The following CPEB1 variants were observed in gnomAD, a reference collection of about 807,000 sequenced individuals.
CPEB1 encodes cytoplasmic polyadenylation element binding protein 1.
Under a neutral mutation model 65.8 loss-of-function variants are expected in CPEB1, and 7 were observed. The ratio of observed to expected loss-of-function variants is 0.11; its 90% CI spans 0.06 to 0.20. The LOEUF is 0.20. CPEB1 is among the 10% of genes least tolerant of loss of function. CPEB1 has a pLI of 1.00. For synonymous variants in CPEB1, 262 were observed against 260.0 expected (o/e 1.01, Z -0.08); for missense variants, 551 against 712.2 (o/e 0.77, Z 2.58).
intron 3 of CPEB1, among the ~76,000 whole-genome samples, chr15:82,617,407 AC>A (rs1389492799): frequency 6.6e-6 from 1 of 152,162 alleles, no homozygotes; most frequent in African/African-American, 2.4e-5. Flanking sequence ...CTTGAGTGTG[AC>A]CAACACTACT....
intron 3 of CPEB1, among the ~76,000 whole-genome samples, chr15:82,580,311 C>G (rs950780613): frequency 1.5e-5 from 2 of 137,828 alleles, no homozygotes; most frequent in African/African-American, 5.4e-5. Flanking sequence ...CAGAGCAAGA[C>G]TCTGTCTTAA....
At position 82,627,321 on chromosome 15, in the gene CPEB1, G is replaced by C; in HGVS notation, c.143C>G (p.Ala48Gly). Residue 48 changes from alanine to glycine, a missense_variant, in exon 3 of 13, where the codon GCA becomes GGA. Coordinates refer to ENST00000684509, the MANE Select transcript of CPEB1 (RefSeq NM_001365242.1). ...RIKDCWDNQEAPALSTCSNAN... is the reference protein window; with the variant it reads ...RIKDCWDNQEGPALSTCSNAN... ...ATTACTACACGTGGAGAGAGCAGGT[G>C]CTTCCTGGTTGTCCCAGCAATCTTT... 1 of 1,613,426 alleles carries C rather than the reference G, an allele frequency of 6.2e-7. No individual in the cohort carries two copies. The highest frequency in any genetic ancestry group is 1.3e-5 in the African/African-American group (1 of 75,010).
At chr15:82,554,229 C>T (rs1330643124) in intron 6 of CPEB1, among the ~76,000 whole-genome samples, 2 of 152,152 alleles carry the variant, frequency 1.3e-5, no homozygotes, top group African/African-American at 4.8e-5. Context: ...AAAGGAATAC[C>T]AAACCAGATG....
intron 4 of CPEB1, among the ~76,000 whole-genome samples, chr15:82,570,040 G>GA (rs1412220287): frequency 2.0e-5 from 3 of 152,206 alleles, no homozygotes; most frequent in Non-Finnish European, 4.4e-5. Context: ...TGAGTCAGCA[G>GA]AAGGCCAGTA....
intron 3 of CPEB1, among the ~76,000 whole-genome samples, chr15:82,574,265 G>A (rs992068934): frequency 1.3e-5 from 2 of 152,130 alleles, no homozygotes; most frequent in African/African-American, 4.8e-5. Flanking sequence ...GGCCATACCT[G>A]TTAAAACCAT....
chr15:82,601,867 C>T (rs1160495652), intron 3 of CPEB1, among the ~76,000 whole-genome samples: 1 of 152,086 alleles, frequency 6.6e-6, no homozygotes, highest in African/African-American at 2.4e-5. Context: ...TAAAGCCAAA[C>T]AACAACCCTA....
At chr15:82,547,925 C>T (rs1400375766) in intron 10 of CPEB1, among the ~76,000 whole-genome samples, 3 of 152,172 alleles carry the variant, frequency 2.0e-5, no homozygotes, top group Non-Finnish European at 4.4e-5. Flanking sequence ...TGCCCCACCT[C>T]GGCCTCCCAA....
rs577994761 is a variant in CPEB1, at chr15:82,629,262, T to C, written c.-97-706A>G. On this transcript the variant is annotated intron_variant, in intron 1 of 12. Transcript: ENST00000684509. ...CATATGTAAAGCATTTTGCATGGCA[T>C]ACAGTAGCTGCTAATTTGTATCTGC... 1.6e-5 allele frequency: 16 copies of C among 985,356 alleles called. No homozygotes were observed. In the South Asian group the frequency reaches 1.9e-4, roughly 12 times the overall value. The allele number at this position is 985,356 out of a possible 1,614,324, so 61.0% of individuals were successfully genotyped here.
intron 11 of CPEB1, 29 bp from the exon 12 acceptor site, chr15:82,546,550 G>A (rs773802722): frequency 1.3e-6 from 2 of 1,571,700 alleles, no homozygotes; most frequent in Non-Finnish European, 8.8e-7. Context: ...AGATGATGAA[G>A]TGGCTCTTCT....
Position 82,552,565 on chromosome 15 carries a change from T to C in CPEB1, c.1196A>G (p.Gln399Arg), listed in dbSNP as rs761271959. 6.2e-7 allele frequency: 1 copy of C among 1,613,718 alleles called. No individual in the cohort carries two copies. The highest frequency in any genetic ancestry group is 1.1e-5 in the South Asian group (1 of 91,052). ...GCTCAGCGGGTCATGAGAGCAAGCC[T>C]GAAGCAAGGATCGGACAGACTTCTC... ...ELEKSVRSLL[Q>R]ACSHDPLSPD... Residue 399 changes from glutamine (Q) to arginine (R), a missense_variant, in exon 9 of 13, where the codon CAG (glutamine) becomes CGG (arginine). Around this residue, in one of 6 missense-constraint regions of CPEB1, gnomAD observed 99 missense variants for 161.3 expected, o/e 0.61. Transcript: ENST00000684509.
intron 3 of CPEB1, chr15:82,573,343 T>G: frequency 1.6e-6 from 1 of 617,204 alleles, no homozygotes. Context: ...GCCTTGTTCA[T>G]CATGGCAAAG....
intron 10 of CPEB1, among the ~76,000 whole-genome samples, chr15:82,548,039 AATAAT>A (rs1749625592): frequency 6.6e-6 from 1 of 152,120 alleles, no homozygotes; most frequent in Non-Finnish European, 1.5e-5. Flanking sequence ...CATTAATTTT[AATAAT>A]ATATTTTATT....
At chr15:82,640,300 T>C (rs1352274078) in intron 1 of CPEB1, among the ~76,000 whole-genome samples, 2 of 152,194 alleles carry the variant, frequency 1.3e-5, no homozygotes, top group African/African-American at 2.4e-5. Flanking sequence ...TCTTCAGATT[T>C]TGAATATTAT....
intron 1 of CPEB1, among the ~76,000 whole-genome samples, chr15:82,639,922 T>C (rs549885006): frequency 2.6e-4 from 40 of 152,260 alleles, no homozygotes; most frequent in African/African-American, 9.4e-4. Context: ...TTTACATATG[T>C]TGTCAGTTGT....
chr15:82,605,403 GAAGGTATTGGTAA>G (rs2043476921), intron 3 of CPEB1, among the ~76,000 whole-genome samples: 1 of 152,126 alleles, frequency 6.6e-6, no homozygotes, highest in Non-Finnish European at 1.5e-5. Context: ...GGCGGGATAA[GAAGGTATTGGTAA>G]AAGGGTACAA....
chr15:82,547,441 C>T lies in CPEB1; in HGVS notation c.1481-204G>A, dbSNP rs140456585. ...CCTCCCGAGTAGCTGGGACTACAGGCATCTGCCACCACACCCAGCTAATTT... is the reference window on the plus strand; with the variant it reads ...CCTCCCGAGTAGCTGGGACTACAGGTATCTGCCACCACACCCAGCTAATTT... On this transcript the variant is annotated intron_variant, in intron 10 of 12. Coordinates refer to ENST00000684509, the MANE Select transcript of CPEB1 (RefSeq NM_001365242.1). Among the ~76,000 whole-genome samples the T allele has an allele frequency of 5.7e-4, 86 of 151,978 alleles. 1 individual carries two copies. The East Asian group carries it at 0.016, about 28-fold the overall frequency.
intron 4 of CPEB1, among the ~76,000 whole-genome samples, chr15:82,565,063 A>G (rs1233245872): frequency 6.6e-6 from 1 of 152,202 alleles, no homozygotes; most frequent in African/African-American, 2.4e-5. Flanking sequence ...ATATTAAATC[A>G]GAAGGGATAT....
intron 8 of CPEB1, 131 bp from the exon 9 acceptor site, chr15:82,552,747 G>T: frequency 2.0e-6 from 2 of 1,013,962 alleles, no homozygotes; most frequent in Non-Finnish European, 2.9e-6. Context: ...TTTTACTCCT[G>T]AAAAGTCGTG....
At chr15:82,624,244 C>G (rs1450903618) in intron 3 of CPEB1, among the ~76,000 whole-genome samples, 1 of 152,180 alleles carries the variant, frequency 6.6e-6, no homozygotes, top group Non-Finnish European at 1.5e-5. Flanking sequence ...AGAGAGAGTT[C>G]ACCACACATG....
Sources: gnomAD v4.1 joint callset for allele counts (sites outside exome capture counted in the v4.1 genomes callset) on GRCh38, gnomAD v4.1.1 for gene constraint, gnomAD v4.1.1 regional missense constraint, MANE v1.5 for transcripts, NCBI Gene and HGNC (gene_info 2026-07-23, HGNC 2026-07-21) for gene names.